IFT172: variants seen among roughly 807,000 people sequenced by gnomAD.
The protein encoded by IFT172 is intraflagellar transport 172.
A neutral mutation model predicts 248.9 loss-of-function variants in IFT172; 164 were observed. The ratio of observed to expected loss-of-function variants is 0.66; its 90% CI spans 0.58 to 0.75. The LOEUF (loss-of-function observed/expected upper bound fraction) is 0.75, where lower values mean the gene tolerates loss of function less well. Ranked by LOEUF, IFT172 falls within the 30% of genes least tolerant of loss-of-function variation. The probability of loss-of-function intolerance (pLI) is 0.00; values close to 1 mark genes in which losing one functional copy is unlikely to be tolerated. For missense variants in IFT172, 1,950 were observed against 2,192.4 expected (o/e 0.89, Z 2.21); for synonymous variants, 729 against 791.6 (o/e 0.92, Z 1.33).
rs1244794813 is a variant in IFT172 at position 27,444,440 on chromosome 2, AG to A, written c.5241del (p.Gln1749SerfsTer4). ...WCGGLPSTSFSFQ is the reference protein window; with the variant it reads ...WCGGLPSTSFXFQ ...TTCCTCAGCTCTACCAACTACTGAAAGGAAAAGCTGGTGCTGGGGAGCCCTC... is the reference window on the plus strand; with the variant it reads ...TTCCTCAGCTCTACCAACTACTGAAAGAAAAGCTGGTGCTGGGGAGCCCTC... On this transcript the variant is annotated frameshift_variant, in exon 48 of 48. Transcript: ENST00000260570. LOFTEE classifies it high-confidence loss of function. 1.2e-6 allele frequency: 2 copies of A among 1,610,932 alleles called. No homozygotes were observed. Among genetic ancestry groups the A allele is most frequent in the South Asian group, 2.2e-5 (2 of 90,648 alleles).
At position 27,477,204 on chromosome 2, in the gene IFT172, CTT is replaced by C; in HGVS notation, c.1325+11_1325+12del. On this transcript the variant is annotated intron_variant, in intron 13 of 47. Transcript: ENST00000260570. ...TCTGGGTTTCAGGGATTCAGAGAAT[CTT>C]GTGAGGTTACCTGATGAGGTGGGGG... 5 of 1,606,654 alleles carry C rather than the reference CTT, an allele frequency of 3.1e-6. No individual in the cohort carries two copies. Among genetic ancestry groups the C allele is most frequent in the Non-Finnish European group, 4.3e-6 (5 of 1,173,260 alleles).
chr2:27,449,625 T>C (rs1665471791), intron 37 of IFT172, 63 bp from the exon 38 acceptor site: 1 of 1,612,238 alleles, frequency 6.2e-7, no homozygotes, highest in Admixed American at 1.7e-5. Context: ...CCGGTAAGAC[T>C]TTCTCCCAGT....
chr2:27,481,208 T>A lies in IFT172; in HGVS notation c.623A>T (p.Asn208Ile). 1 of 1,612,848 alleles carries A rather than the reference T, an allele frequency of 6.2e-7. No homozygotes were observed. Among genetic ancestry groups the A allele is most frequent in the Non-Finnish European group, 8.5e-7 (1 of 1,179,978 alleles). Residue 208 changes from asparagine (N) to isoleucine (I), a missense_variant, in exon 8 of 48, where the codon AAT becomes ATT. Physicochemically the swap from Asn to Ile is moderately radical, Grantham distance 149 (BLOSUM62 -3). Around this residue, in one of 3 missense-constraint regions of IFT172, gnomAD observed 1,166 missense variants for 1,254.1 expected, o/e 0.93. Transcript: ENST00000260570. ...CPPYALAWAT[N>I]SIVAAGCDRK... is the part of the protein sequence containing the mutation. Reference sequence around the variant, plus strand: ...ATCACAGCCTGCAGCCACGATGCTATTGGTTGCCCATGCCAAGGCATAGGG... The same window carrying A: ...ATCACAGCCTGCAGCCACGATGCTAATGGTTGCCCATGCCAAGGCATAGGG...
rs748853554 is a variant in IFT172 at position 27,459,812 on chromosome 2, A to T, written c.2539T>A (p.Leu847Met). The T allele has an allele frequency of 6.2e-6, 10 of 1,612,086 alleles. No individual in the cohort carries two copies. Among genetic ancestry groups the T allele is most frequent in the Non-Finnish European group, 8.5e-6 (10 of 1,180,032 alleles). Reference protein sequence around the residue: ...AFMKAVELARLAFPVEVVKLE... With the variant: ...AFMKAVELARMAFPVEVVKLE... ...TTCACCACCTCCACTGGGAAGGCCAATCGAGCCAGCTCTACCGCTGCCAGG... is the reference window on the plus strand; with the variant it reads ...TTCACCACCTCCACTGGGAAGGCCATTCGAGCCAGCTCTACCGCTGCCAGG... Residue 847 changes from leucine to methionine, a missense_variant, in exon 24 of 48, where the codon TTG becomes ATG. Physicochemically the swap from Leu to Met is conservative, Grantham distance 15. Coordinates refer to ENST00000260570, the MANE Select transcript of IFT172 (RefSeq NM_015662.3).
intron 12 of IFT172, 77 bp from the exon 13 acceptor site, chr2:27,477,397 A>G: frequency 7.4e-7 from 1 of 1,344,784 alleles, no homozygotes; most frequent in Admixed American, 1.7e-5. Flanking sequence ...CTGTCAGTTC[A>G]AGGTGACTAC....
rs766061673 is a variant in IFT172 at position 27,450,014 on chromosome 2, A to G, written c.4034T>C (p.Ile1345Thr). ...CCTACTTACTGCACTGTGCTTTCCAATTCCAATCAGCTGGGGTCCTACAGC... is the reference window on the plus strand; with the variant it reads ...CCTACTTACTGCACTGTGCTTTCCAGTTCCAATCAGCTGGGGTCCTACAGC... ...VLAVGPQLIG[I>T]GKHSAAAELY... The change falls in exon 36 of 48, where the codon ATT becomes ACT. Residue 1345 changes from isoleucine to threonine, a missense_variant. Ile to Thr is a moderately conservative substitution (Grantham distance 89, BLOSUM62 -1). Coordinates refer to ENST00000260570, the MANE Select transcript of IFT172 (RefSeq NM_015662.3). 3 of 1,613,644 alleles carry G rather than the reference A, an allele frequency of 1.9e-6. No individual in the cohort carries two copies. The highest frequency in any genetic ancestry group is 1.7e-5 in the Admixed American group (1 of 60,006).
intron 15 of IFT172, 116 bp downstream of exon 15, chr2:27,472,134 T>C (rs1558398376): frequency 1.3e-6 from 1 of 759,704 alleles, no homozygotes; most frequent in Non-Finnish European, 2.4e-6. Flanking sequence ...TTCTGCCATG[T>C]TGATGACACA....
chr2:27,464,399 G>C (rs1170159957), intron 18 of IFT172, among the ~76,000 whole-genome samples: 1 of 152,100 alleles, frequency 6.6e-6, no homozygotes, highest in Non-Finnish European at 1.5e-5. Context: ...GTTTGGGAAG[G>C]TCAAATAACC....
chr2:27,464,765 G>A (rs569218511), intron 18 of IFT172, among the ~76,000 whole-genome samples: 4 of 151,860 alleles, frequency 2.6e-5, no homozygotes, highest in Admixed American at 1.3e-4. Flanking sequence ...CCACAGGTGC[G>A]CATCACCATG....
At chr2:27,463,056 C>A (rs1218931516) in intron 19 of IFT172, 41 bp downstream of exon 19, 2 of 1,601,782 alleles carry the variant, frequency 1.2e-6, no homozygotes, top group Non-Finnish European at 8.6e-7. Flanking sequence ...GAGAAATCAG[C>A]TTGGGAGACA....
rs182015108 is a variant in IFT172, at chr2:27,474,044, G to T, written c.1412-1682C>A. ...GCTGGTCTCGAACTCCTGACCTCAGGTGATCCGCCCGCCTCGGCCTCTCAA... is the reference window on the plus strand; with the variant it reads ...GCTGGTCTCGAACTCCTGACCTCAGTTGATCCGCCCGCCTCGGCCTCTCAA... On this transcript the variant is annotated intron_variant, in intron 14 of 47. Transcript: ENST00000260570. 4.0e-3 allele frequency among the ~76,000 whole-genome samples: 608 copies of T among 152,240 alleles called. 3 individuals are homozygous for T. The highest frequency in any genetic ancestry group is 7.0e-3 in the Non-Finnish European group (477 of 68,010).
At chr2:27,471,991 T>C (rs1667604300) in intron 15 of IFT172, 1 of 537,000 alleles carries the variant, frequency 1.9e-6, no homozygotes, top group Non-Finnish European at 3.3e-6. Flanking sequence ...TGAGCCCAGA[T>C]TGTACCACTG....
Position 27,454,059 on chromosome 2 carries a change from C to T in IFT172, c.3634G>A (p.Glu1212Lys), listed in dbSNP as rs764315033. The T allele has an allele frequency of 6.2e-7, 1 of 1,614,098 alleles. No individual in the cohort carries two copies. The highest frequency in any genetic ancestry group is 8.5e-7 in the Non-Finnish European group (1 of 1,180,026). Reference sequence around the variant, plus strand: ...TCTGCTTTCTGAAAGTCCTTCTCCTCCAAGGCCCCCCGGGCCTGTCCCACA... The same window carrying T: ...TCTGCTTTCTGAAAGTCCTTCTCCTTCAAGGCCCCCCGGGCCTGTCCCACA... ...VLVGQARGALEEKDFQKAEGL... is the reference protein window; with the variant it reads ...VLVGQARGALKEKDFQKAEGL... Residue 1212 changes from glutamate to lysine, a missense_variant, in exon 33 of 48, where the codon GAG becomes AAG. Physicochemically the swap from Glu to Lys is moderately conservative, Grantham distance 56. Transcript: ENST00000260570. This position sits in a 1 kb window ranked among gnomAD's most constrained non-coding sequence, Gnocchi z 4.2.
intron 38 of IFT172, 21 bp from the exon 39 acceptor site, chr2:27,449,401 G>A (rs1665450163): frequency 6.2e-7 from 1 of 1,614,142 alleles, no homozygotes; most frequent in Non-Finnish European, 8.5e-7. Context: ...GGAAGACAGA[G>A]TTACAAGAGA....
intron 35 of IFT172, among the ~76,000 whole-genome samples, chr2:27,450,305 T>A (rs1428573258): frequency 6.6e-6 from 1 of 152,216 alleles, no homozygotes; most frequent in African/African-American, 2.4e-5. Flanking sequence ...TCCTCTCAGT[T>A]CATTAACTCT....
intron 7 of IFT172, among the ~76,000 whole-genome samples, chr2:27,482,588 G>A (rs1386141717): frequency 6.6e-6 from 1 of 152,194 alleles, no homozygotes; most frequent in Non-Finnish European, 1.5e-5. Flanking sequence ...AATTCTTAAT[G>A]TAAATGATTC....
intron 40 of IFT172, 104 bp downstream of exon 40, chr2:27,448,811 T>C: frequency 1.4e-6 from 1 of 737,184 alleles, no homozygotes. Flanking sequence ...TGACGTTCTC[T>C]AAGGATAGAA....
intron 7 of IFT172, among the ~76,000 whole-genome samples, chr2:27,481,933 T>A (rs1012585315): frequency 6.6e-6 from 1 of 151,906 alleles, no homozygotes; most frequent in Non-Finnish European, 1.5e-5. Context: ...ACAAAGAGCA[T>A]AGGGCTTCTT....
In IFT172 at chr2:27,446,205, T is replaced by C. The variant is rs1665080590; in HGVS notation, c.4755+55A>G. 3 of 1,559,326 alleles carry C rather than the reference T, an allele frequency of 1.9e-6. No individual in the cohort carries two copies. The African/African-American group carries it at 4.1e-5, about 21-fold the overall frequency. ...CTACCAGAGCAGAAGGGATATTCTA[T>C]TTTCCAACCTTTAACTTCCTCCTAT... On this transcript the variant is annotated intron_variant, in intron 43 of 47. Coordinates refer to ENST00000260570, the MANE Select transcript of IFT172 (RefSeq NM_015662.3).
Sources: gnomAD v4.1 joint callset for allele counts (sites outside exome capture counted in the v4.1 genomes callset) on GRCh38, gnomAD v4.1.1 for gene constraint, gnomAD v4.1.1 regional missense constraint, Gnocchi (gnomAD v3.1) non-coding constraint, MANE v1.5 for transcripts, NCBI Gene and HGNC (gene_info 2026-07-23, HGNC 2026-07-21) for gene names.